Variants in SLC45A4 observed in about 807,000 individuals in gnomAD.
SLC45A4 encodes solute carrier family 45 member 4.
Under a neutral mutation model 63.7 loss-of-function variants are expected in SLC45A4, and 32 were observed. The observed-to-expected ratio is 0.50, with a 90% confidence interval of 0.38 to 0.67. The LOEUF is 0.67. Among genes scored for constraint, SLC45A4 ranks in the 30% least tolerant of loss-of-function variants. SLC45A4 has a pLI of 0.00. For synonymous variants in SLC45A4, 535 were observed against 510.0 expected (o/e 1.05, Z -0.66); for missense variants, 1,027 against 1,157.7 (o/e 0.89, Z 1.64).
Position 141,210,654 on chromosome 8 carries a change from C to T in SLC45A4, c.*918G>A, listed in dbSNP as rs149804447. ...TATTTAAAAACTGCTTTAGTTTCAT[C>T]TTGAAATATATATACGTGTATATAT... On this transcript the variant is annotated 3_prime_UTR_variant, in exon 9 of 9. Coordinates refer to ENST00000517878, the MANE Select transcript of SLC45A4 (RefSeq NM_001286646.2). 30 of 152,252 alleles carry T rather than the reference C, an allele frequency of 2.0e-4. No homozygotes were observed. The highest frequency in any genetic ancestry group is 7.2e-4 in the African/African-American group (30 of 41,536). 9.4% of individuals were successfully genotyped at this position (152,252 alleles called of 1,614,324 possible).
chr8:141,308,003 G>A (rs927439346), intron 1 of SLC45A4, 93 bp downstream of exon 1: 2 of 152,562 alleles, frequency 1.3e-5, no homozygotes, highest in African/African-American at 4.8e-5. Context: ...GGCTGTGCGG[G>A]AGGTGGGGGT....
intron 2 of SLC45A4, among the ~76,000 whole-genome samples, chr8:141,235,500 C>G (rs553635694): frequency 2.0e-5 from 3 of 152,170 alleles, no homozygotes; most frequent in African/African-American, 7.2e-5. Context: ...AACCCCACAA[C>G]GATTCTAACG....
At chr8:141,217,507 C>A (rs538281819) in intron 5 of SLC45A4, among the ~76,000 whole-genome samples, 1 of 152,220 alleles carries the variant, frequency 6.6e-6, no homozygotes, top group African/African-American at 2.4e-5. Flanking sequence ...GTGGCCCTCT[C>A]GGAGCCACTG....
At chr8:141,249,230 C>T (rs908261236) in intron 2 of SLC45A4, among the ~76,000 whole-genome samples, 5 of 152,102 alleles carry the variant, frequency 3.3e-5, no homozygotes, top group Non-Finnish European at 7.4e-5. Flanking sequence ...CAGTGAACCA[C>T]TCATGAGAAA....
chr8:141,258,440 T>A (rs1395338346), intron 1 of SLC45A4, among the ~76,000 whole-genome samples: 1 of 152,212 alleles, frequency 6.6e-6, no homozygotes, highest in Admixed American at 6.5e-5. Context: ...GCAGGTTGCA[T>A]AAGAATCACT....
chr8:141,242,958 G>A lies in SLC45A4; in HGVS notation c.241+11031C>T, dbSNP rs185445522. Among the ~76,000 whole-genome samples the A allele has an allele frequency of 1.6e-3, 240 of 152,326 alleles. 1 individual carries two copies. The highest frequency in any genetic ancestry group is 5.5e-3 in the African/African-American group (230 of 41,564). ...AAACCTAAGCCAGCCCGTGTGCAGC[G>A]GGGAGCCGGCAGGGCGAGGACCCAT... is the stretch of plus-strand genomic sequence containing the variant. On this transcript the variant is annotated intron_variant, in intron 2 of 8. Transcript: ENST00000517878.
chr8:141,291,396 T>G (rs1361646892), intron 1 of SLC45A4, among the ~76,000 whole-genome samples: 1 of 152,254 alleles, frequency 6.6e-6, no homozygotes, highest in Non-Finnish European at 1.5e-5. Flanking sequence ...TCTCATAATT[T>G]TTTTTTAAAT....
At chr8:141,280,640 T>G (rs577361148) in intron 1 of SLC45A4, among the ~76,000 whole-genome samples, 1 of 152,256 alleles carries the variant, frequency 6.6e-6, no homozygotes, top group East Asian at 1.9e-4. Context: ...GAGTGGGTGC[T>G]AGGCTGGCCC....
intron 2 of SLC45A4, among the ~76,000 whole-genome samples, chr8:141,222,360 G>A (rs1158826898): frequency 6.6e-6 from 1 of 152,246 alleles, no homozygotes; most frequent in Non-Finnish European, 1.5e-5. Context: ...TGGGGGCAGG[G>A]GGATGCACCA....
At chr8:141,228,520 C>T in intron 2 of SLC45A4, 1 of 1,308,224 alleles carries the variant, frequency 7.6e-7, no homozygotes, top group Non-Finnish European at 9.8e-7. Context: ...CACTGGCCAG[C>T]TCCTCGGGCA....
chr8:141,221,506 A>G (rs1011212406), intron 3 of SLC45A4, 71 bp downstream of exon 3: 1 of 1,519,492 alleles, frequency 6.6e-7, no homozygotes, highest in African/African-American at 1.4e-5. Context: ...TCAGCTTTTA[A>G]TGAGAGGAGC....
At chr8:141,304,322 G>C (rs1366788083) in intron 1 of SLC45A4, among the ~76,000 whole-genome samples, 1 of 152,010 alleles carries the variant, frequency 6.6e-6, no homozygotes. Context: ...ACTTCGGGAG[G>C]CCCAGGCAGG....
chr8:141,292,252 GC>G (rs1830375231), intron 1 of SLC45A4, among the ~76,000 whole-genome samples: 2 of 152,234 alleles, frequency 1.3e-5, no homozygotes, highest in African/African-American at 4.8e-5. Context: ...AGGGCACGCG[GC>G]ATTCTGGGCC....
At chr8:141,307,502 AC>A (rs963694904) in intron 1 of SLC45A4, among the ~76,000 whole-genome samples, 7 of 151,496 alleles carry the variant, frequency 4.6e-5, no homozygotes, top group Non-Finnish European at 1.0e-4. Flanking sequence ...TCGTGTGTGC[AC>A]TGGGCAGAGG....
intron 6 of SLC45A4, 122 bp downstream of exon 6, chr8:141,216,968 G>C: frequency 1.0e-6 from 1 of 968,288 alleles, no homozygotes; most frequent in Non-Finnish European, 1.5e-6. Context: ...CCTGTTTTGA[G>C]GGACCCAGAA....
chr8:141,240,289 C>T (rs1353338287), intron 2 of SLC45A4, among the ~76,000 whole-genome samples: 3 of 152,334 alleles, frequency 2.0e-5, no homozygotes, highest in African/African-American at 7.2e-5. Context: ...CCAGTTCTAA[C>T]TCATGAGTCA....
chr8:141,285,552 T>C (rs923035129), intron 1 of SLC45A4, among the ~76,000 whole-genome samples: 4 of 152,146 alleles, frequency 2.6e-5, no homozygotes, highest in African/African-American at 9.7e-5. Context: ...CTCCAACAAA[T>C]GCATCTTTAC....
Position 141,272,744 on chromosome 8 carries a change from T to C in SLC45A4, c.-400-18115A>G, listed in dbSNP as rs139893722. Among the ~76,000 whole-genome samples, 499 of 152,156 alleles carry C rather than the reference T, an allele frequency of 3.3e-3. 2 individuals carry two copies. The highest frequency in any genetic ancestry group is 8.2e-3 in the Admixed American group (126 of 15,286). ...TAGGCACACTGGTCAAACAGCCTCC[T>C]CGCCAGCGCTGCCTGGAGCCGAGTT... On this transcript the variant is annotated intron_variant, in intron 1 of 8. Transcript: ENST00000517878.
chr8:141,279,196 C>T (rs1032339680), intron 1 of SLC45A4, among the ~76,000 whole-genome samples: 6 of 152,196 alleles, frequency 3.9e-5, no homozygotes, highest in African/African-American at 1.4e-4. Flanking sequence ...CCTGTGGCCT[C>T]GGGGCCCTGG....
Sources: allele counts gnomAD v4.1 joint callset (sites outside exome capture counted in the v4.1 genomes callset), GRCh38; gene constraint gnomAD v4.1.1; transcripts MANE v1.5; gene names NCBI Gene and HGNC (gene_info 2026-07-23, HGNC 2026-07-21).